Variants in HFM1 observed in about 807,000 individuals in gnomAD.
The protein encoded by HFM1 is probable ATP-dependent DNA helicase HFM1.
In HFM1, 169 loss-of-function variants were observed where a neutral mutation model predicts 192.1. The observed-to-expected ratio is 0.88, with a 90% confidence interval of 0.78 to 1.00. The LOEUF is 1.00. HFM1 is among the 50% of genes least tolerant of loss of function. The probability of loss-of-function intolerance (pLI) is 0.00; values close to 1 mark genes in which losing one functional copy is unlikely to be tolerated. For synonymous variants in HFM1, 525 were observed against 537.8 expected, an observed-to-expected ratio of 0.98 and a Z score of 0.33; for missense variants, 1,661 against 1,668.0, an observed-to-expected ratio of 1.00 and a Z score of 0.07.
At chr1:91,294,101 A>C (rs1669115831) in intron 30 of HFM1, among the ~76,000 whole-genome samples, 3 of 151,486 alleles carry the variant, frequency 2.0e-5, no homozygotes, top group Admixed American at 2.0e-4. Context: ...CTAATGCTAG[A>C]TGACGAGTTA....
chr1:91,300,536 T>C (rs1557811194), intron 30 of HFM1, among the ~76,000 whole-genome samples: 1 of 152,172 alleles, frequency 6.6e-6, no homozygotes. Flanking sequence ...AAATCCTCAA[T>C]AAAATATTGG....
intron 13 of HFM1, among the ~76,000 whole-genome samples, chr1:91,367,121 G>C (rs1659440529): frequency 6.6e-6 from 1 of 152,194 alleles, no homozygotes; most frequent in Non-Finnish European, 1.5e-5. Context: ...AGCTCGAACT[G>C]GGTGGAGCGC....
At chr1:91,367,885 A>C (rs1571132710) in intron 13 of HFM1, among the ~76,000 whole-genome samples, 3 of 152,182 alleles carry the variant, frequency 2.0e-5, no homozygotes, top group African/African-American at 7.2e-5. Flanking sequence ...AACTAGAATA[A>C]CCAACGCAGA....
At chr1:91,321,169 C>T (rs932895629) in intron 23 of HFM1, among the ~76,000 whole-genome samples, 5 of 152,178 alleles carry the variant, frequency 3.3e-5, no homozygotes, top group African/African-American at 9.6e-5. Context: ...GAGCCAGGCA[C>T]GCTGGCTCAC....
chr1:91,289,283 C>T (rs1443232120), intron 30 of HFM1, among the ~76,000 whole-genome samples: 2 of 151,336 alleles, frequency 1.3e-5, no homozygotes, highest in South Asian at 2.1e-4. Context: ...GGCAGAGGCG[C>T]TCCCCACATC....
intron 20 of HFM1, chr1:91,329,220 C>G: frequency 2.5e-6 from 4 of 1,609,610 alleles, no homozygotes; most frequent in Non-Finnish European, 3.4e-6. Flanking sequence ...GGCTTACCAG[C>G]TCTTCTTGGA....
chr1:91,295,717 A>G (rs983764816), intron 30 of HFM1, among the ~76,000 whole-genome samples: 1 of 152,124 alleles, frequency 6.6e-6, no homozygotes, highest in Non-Finnish European at 1.5e-5. Context: ...TTTGATGAAC[A>G]GAGTTCTTAA....
chr1:91,302,561 A>T (rs1314938929), intron 30 of HFM1, among the ~76,000 whole-genome samples: 2 of 152,178 alleles, frequency 1.3e-5, no homozygotes, highest in Non-Finnish European at 2.9e-5. Flanking sequence ...AGACTGGATT[A>T]AGACAATGTG....
At chr1:91,298,957 A>G (rs1466787200) in intron 30 of HFM1, among the ~76,000 whole-genome samples, 1 of 152,186 alleles carries the variant, frequency 6.6e-6, no homozygotes, top group Non-Finnish European at 1.5e-5. Flanking sequence ...TTAACTGTAA[A>G]TGGGCTAAAT....
At chr1:91,356,179 C>A (rs1657705497) in intron 13 of HFM1, among the ~76,000 whole-genome samples, 1 of 150,692 alleles carries the variant, frequency 6.6e-6, no homozygotes, top group Non-Finnish European at 1.5e-5. Flanking sequence ...TATCTTGAGA[C>A]AAGTAACAAT....
At position 91,316,482 on chromosome 1, in the gene HFM1, G is replaced by T; in HGVS notation, c.2813-6C>A. 7.5e-7 allele frequency: 1 copy of T among 1,338,966 alleles called. No individual in the cohort carries two copies. Among genetic ancestry groups the T allele is most frequent in the Non-Finnish European group, 1.0e-6 (1 of 986,842 alleles). 82.9% of individuals were successfully genotyped at this position (1,338,966 alleles called of 1,614,324 possible). Reference sequence around the variant, plus strand: ...TGCATTTGACAATGTTATACCTGTGGAAAATTAATCAAACAACAACTTAAA... The same window carrying T: ...TGCATTTGACAATGTTATACCTGTGTAAAATTAATCAAACAACAACTTAAA... On this transcript the variant is annotated splice_polypyrimidine_tract_variant and splice_region_variant and intron_variant, in intron 25 of 38. Coordinates refer to ENST00000370425, the MANE Select transcript of HFM1 (RefSeq NM_001017975.6).
At chr1:91,305,636 T>G (rs1033955725) in intron 30 of HFM1, among the ~76,000 whole-genome samples, 1 of 151,976 alleles carries the variant, frequency 6.6e-6, no homozygotes, top group Non-Finnish European at 1.5e-5. Flanking sequence ...GGTGTAATCA[T>G]AGCTCACTGT....
At chr1:91,277,148 T>G in intron 30 of HFM1, 86 bp from the exon 31 acceptor site, 1 of 680,608 alleles carries the variant, frequency 1.5e-6, no homozygotes, top group Non-Finnish European at 2.4e-6. Flanking sequence ...CCAGTTTCCT[T>G]CCTTTCAGAC....
chr1:91,371,639 C>G (rs1189617947), intron 13 of HFM1, among the ~76,000 whole-genome samples: 4 of 137,914 alleles, frequency 2.9e-5, no homozygotes, highest in Admixed American at 7.6e-5. Flanking sequence ...CATAAAAACC[C>G]TAGAAGAAAA....
At chr1:91,388,607 T>C (rs1002513840) in intron 4 of HFM1, among the ~76,000 whole-genome samples, 3 of 152,132 alleles carry the variant, frequency 2.0e-5, no homozygotes, top group East Asian at 1.9e-4. Flanking sequence ...TATGAAATAA[T>C]AGATCACAAA....
intron 20 of HFM1, among the ~76,000 whole-genome samples, chr1:91,342,788 G>C (rs1571022020): frequency 6.6e-6 from 1 of 152,120 alleles, no homozygotes; most frequent in Non-Finnish European, 1.5e-5. Context: ...GATTATCAAT[G>C]GTTGAATATT....
intron 16 of HFM1, 141 bp from the exon 17 acceptor site, chr1:91,351,784 CA>C (rs1656973129): frequency 2.5e-6 from 1 of 408,064 alleles, no homozygotes; most frequent in Non-Finnish European, 4.4e-6. Flanking sequence ...AAAATGCTCT[CA>C]TTTTTTTAAC....
At chr1:91,299,588 C>T (rs1648330388) in intron 30 of HFM1, among the ~76,000 whole-genome samples, 1 of 152,206 alleles carries the variant, frequency 6.6e-6, no homozygotes, top group South Asian at 2.1e-4. Flanking sequence ...AACTGTCTCT[C>T]AGACCACAGT....
At chr1:91,376,931 T>C (rs897090197) in intron 11 of HFM1, among the ~76,000 whole-genome samples, 2 of 151,794 alleles carry the variant, frequency 1.3e-5, no homozygotes, top group East Asian at 3.9e-4. Flanking sequence ...AAGGAAATAA[T>C]CATGGATGTT....
Sources: gnomAD v4.1 joint callset for allele counts (sites outside exome capture counted in the v4.1 genomes callset) on GRCh38, gnomAD v4.1.1 for gene constraint, MANE v1.5 for transcripts, NCBI Gene and HGNC (gene_info 2026-07-23, HGNC 2026-07-21) for gene names.